The following AFF4 variants were observed in gnomAD, a reference collection of about 807,000 sequenced individuals.
AFF4 encodes AF4/FMR2 family member 4.
In AFF4, 13 loss-of-function variants were observed where a neutral mutation model predicts 124.8. The observed-to-expected ratio is 0.10, with a 90% CI of 0.07 to 0.17. The LOEUF (loss-of-function observed/expected upper bound fraction) is 0.17. AFF4 is among the 10% of genes least tolerant of loss of function. The pLI is 1.00. For synonymous variants in AFF4, 477 were observed against 496.1 expected (o/e 0.96, Z 0.51); for missense variants, 1,092 against 1,403.8 (o/e 0.78, Z 3.55).
intron 14 of AFF4, among the ~76,000 whole-genome samples, chr5:132,888,861 C>A (rs1221883733): frequency 6.6e-6 from 1 of 152,134 alleles, no homozygotes; most frequent in East Asian, 1.9e-4. Context: ...CCACGCCCAG[C>A]TAATTTTTGT....
intron 1 of AFF4, among the ~76,000 whole-genome samples, chr5:132,957,900 C>T (rs186195218): frequency 6.6e-6 from 1 of 151,796 alleles, no homozygotes; most frequent in Non-Finnish European, 1.5e-5. Context: ...ATGGGAATAA[C>T]CACAATAAAA....
In AFF4 at chr5:132,916,933, T is replaced by C. The variant is rs189012887; in HGVS notation, c.1050+10188A>G. 2.0e-3 allele frequency among the ~76,000 whole-genome samples: 303 copies of C among 152,320 alleles called. 6 individuals carry two copies. The highest frequency in any genetic ancestry group is 0.016 in the Admixed American group (244 of 15,294). On this transcript the variant is annotated intron_variant, in intron 5 of 20. Coordinates refer to ENST00000265343, the MANE Select transcript of AFF4 (RefSeq NM_014423.4). The stretch of plus-strand genomic sequence containing the variant: ...CCAACGTTTTTTGTTTTTTTTTGTT[T>C]TTTTGAGATAGAGTTTCGCTCTTGT...
chr5:132,942,491 T>G (rs1368696828), intron 1 of AFF4, among the ~76,000 whole-genome samples: 2 of 150,876 alleles, frequency 1.3e-5, no homozygotes, highest in Non-Finnish European at 3.0e-5. Context: ...AAAGACAGAG[T>G]TTCGCTCTTG....
At chr5:132,957,595 T>C (rs1429393364) in intron 1 of AFF4, among the ~76,000 whole-genome samples, 2 of 151,880 alleles carry the variant, frequency 1.3e-5, no homozygotes, top group African/African-American at 4.8e-5. Flanking sequence ...TGGCTGGGCA[T>C]GGTGGCAGGC....
At chr5:132,889,422 G>C (rs1172264373) in intron 13 of AFF4, among the ~76,000 whole-genome samples, 6 of 152,064 alleles carry the variant, frequency 3.9e-5, no homozygotes, top group African/African-American at 9.7e-5. Flanking sequence ...CACTGGCCTA[G>C]GCAGTTGTTA....
intron 1 of AFF4, among the ~76,000 whole-genome samples, chr5:132,951,543 T>C (rs1561512528): frequency 6.6e-6 from 1 of 152,240 alleles, no homozygotes; most frequent in Non-Finnish European, 1.5e-5. Flanking sequence ...TTTTCTTTTT[T>C]TTCAGACAGA....
Position 132,927,537 on chromosome 5 carries a change from A to G in AFF4, c.964-330T>C. 1.6e-5 allele frequency: 4 copies of G among 249,774 alleles called. No individual in the cohort carries two copies. In the South Asian group the frequency reaches 2.0e-4, roughly 13 times the overall value. The allele number at this position is 249,774 out of a possible 1,614,324, so 15.5% of individuals were successfully genotyped here. ...TGCTAGGAGAGTGGGAGGAAGGGACAATGATAAGGAAAACAGCTAACATTT... is the reference window on the plus strand; with the variant it reads ...TGCTAGGAGAGTGGGAGGAAGGGACGATGATAAGGAAAACAGCTAACATTT... On this transcript the variant is annotated intron_variant, in intron 4 of 20. Coordinates refer to ENST00000265343, the MANE Select transcript of AFF4 (RefSeq NM_014423.4).
At chr5:132,907,988 G>A (rs1227640148) in intron 5 of AFF4, among the ~76,000 whole-genome samples, 1 of 152,190 alleles carries the variant, frequency 6.6e-6, no homozygotes, top group Non-Finnish European at 1.5e-5. Context: ...TGCACATTGT[G>A]AGGATCATCT....
chr5:132,932,220 T>C lies in AFF4; in HGVS notation c.921A>G (p.Ala307=). ...KLKIPSQPLD[A]SASGDVSCVD... ...CACAGCTCACATCACCAGAAGCTGATGCCTTGAAAGAAAAAGCAGCACACA... is the reference window on the plus strand; with the variant it reads ...CACAGCTCACATCACCAGAAGCTGACGCCTTGAAAGAAAAAGCAGCACACA... Residue 307 remains alanine (A), a splice_region_variant and synonymous_variant, in exon 4 of 21, where the codon GCA becomes GCG. Coordinates refer to ENST00000265343, the MANE Select transcript of AFF4 (RefSeq NM_014423.4). 4 of 1,606,886 alleles carry C rather than the reference T, an allele frequency of 2.5e-6. No individual in the cohort carries two copies. Among genetic ancestry groups the C allele is most frequent in the Non-Finnish European group, 3.4e-6 (4 of 1,177,296 alleles).
chr5:132,949,750 T>G (rs1761791959), intron 1 of AFF4, among the ~76,000 whole-genome samples: 1 of 148,650 alleles, frequency 6.7e-6, no homozygotes, highest in Non-Finnish European at 1.5e-5. Context: ...CAGTCCCGGC[T>G]ACTCGGGAGG....
In AFF4 at chr5:132,881,031, A is replaced by T; in HGVS notation, c.*28T>A. The T allele has an allele frequency of 6.2e-7, 1 of 1,607,928 alleles. No homozygotes were observed. Among genetic ancestry groups the T allele is most frequent in the Non-Finnish European group, 8.5e-7 (1 of 1,177,682 alleles). ...TGATGTGACACAGTGTTGTGGAGAA[A>T]ATCAGAGGCAACGAGAATGTGTTCA... is the stretch of plus-strand genomic sequence containing the variant. On this transcript the variant is annotated 3_prime_UTR_variant, in exon 21 of 21. Transcript: ENST00000265343.
rs957803131 is a variant in AFF4 at position 132,880,294 on chromosome 5, CCT to C, written c.*763_*764del. The C allele has an allele frequency of 4.3e-5, 17 of 398,832 alleles. No individual in the cohort carries two copies. The highest frequency in any genetic ancestry group is 7.1e-5 in the Non-Finnish European group (16 of 226,034). 24.7% of individuals were successfully genotyped at this position (398,832 alleles called of 1,614,324 possible). ...TGCTTCTTCTAGAAAGTTTGTCCTC[CCT>C]CTTTTGTAATGCATTAAATGCAAGC... On this transcript the variant is annotated 3_prime_UTR_variant, in exon 21 of 21. Coordinates refer to ENST00000265343, the MANE Select transcript of AFF4 (RefSeq NM_014423.4).
chr5:132,889,848 T>G (rs1043335104), intron 13 of AFF4, among the ~76,000 whole-genome samples: 15 of 152,122 alleles, frequency 9.9e-5, no homozygotes, highest in African/African-American at 3.4e-4. Context: ...TTGCCCAGGT[T>G]GATCTTAAAC....
chr5:132,923,363 G>T (rs1228061754), intron 5 of AFF4, among the ~76,000 whole-genome samples: 1 of 76,112 alleles, frequency 1.3e-5, no homozygotes, highest in African/African-American at 5.8e-5. Flanking sequence ...AGAAAGAAAG[G>T]AAAGAAAGGA....
chr5:132,948,660 T>C (rs1294027503), intron 1 of AFF4: 1 of 183,892 alleles, frequency 5.4e-6, no homozygotes, highest in African/African-American at 2.4e-5. Context: ...TGCAACCCTC[T>C]CTATAGACCA....
intron 1 of AFF4, among the ~76,000 whole-genome samples, chr5:132,958,360 G>A: frequency 6.6e-6 from 1 of 151,336 alleles, no homozygotes; most frequent in South Asian, 2.1e-4. Context: ...CAGCTACTCG[G>A]GAGGCTGAGT....
At chr5:132,937,228 A>G in intron 1 of AFF4, 35 bp from the exon 2 acceptor site, 1 of 1,564,082 alleles carries the variant, frequency 6.4e-7, no homozygotes, top group Non-Finnish European at 8.7e-7. Context: ...TATCACAGAA[A>G]TAAAAGGAAA....
intron 1 of AFF4, chr5:132,943,098 G>C (rs1761612006): frequency 5.6e-6 from 1 of 177,080 alleles, no homozygotes; most frequent in African/African-American, 2.4e-5. Flanking sequence ...TAAAAAGCAT[G>C]ATTACAGGCA....
At chr5:132,944,966 T>TA (rs142291614) in intron 1 of AFF4, 18,679 of 146,178 alleles carry the variant, frequency 0.13, 1,505 homozygotes, top group South Asian at 0.21. Flanking sequence ...TTTTTTTAAT[T>TA]AAAAAAACAA....
Sources: allele counts gnomAD v4.1 joint callset (sites outside exome capture counted in the v4.1 genomes callset), GRCh38; gene constraint gnomAD v4.1.1; transcripts MANE v1.5; gene names NCBI Gene and HGNC (gene_info 2026-07-23, HGNC 2026-07-21).